PLEKHG3: variants seen among roughly 807,000 people sequenced by gnomAD.
PLEKHG3 encodes pleckstrin homology domain-containing family G member 3.
In PLEKHG3, 62 loss-of-function variants were observed where a neutral mutation model predicts 94.9. The ratio of observed to expected loss-of-function variants is 0.65; its 90% CI spans 0.53 to 0.81. The LOEUF is 0.81. PLEKHG3 is among the 30% of genes least tolerant of loss of function. PLEKHG3 has a pLI of 0.00. For synonymous variants in PLEKHG3, 614 were observed against 654.0 expected (o/e 0.94, Z 0.93); for missense variants, 1,461 against 1,619.3 (o/e 0.90, Z 1.68).
rs1322265082 is a variant in PLEKHG3 at position 64,725,315 on chromosome 14, C to T, written c.-39-2278C>T. Among the ~76,000 whole-genome samples, 1 of 151,620 alleles carries T rather than the reference C, an allele frequency of 6.6e-6. No individual in the cohort carries two copies. Among genetic ancestry groups the T allele is most frequent in the Non-Finnish European group, 1.5e-5 (1 of 67,912 alleles). On this transcript the variant is annotated intron_variant, in intron 1 of 16. Coordinates refer to ENST00000247226, the MANE Select transcript of PLEKHG3 (RefSeq NM_001308147.2). This position sits in a 1 kb window ranked among gnomAD's most constrained non-coding sequence, Gnocchi z 5.0. The stretch of plus-strand genomic sequence containing the variant: ...GCTTCCCCAGAGAAGCTGACTGACC[C>T]CAGATGTGATCTGGGAAAGGTCTTA...
intron 1 of PLEKHG3, among the ~76,000 whole-genome samples, chr14:64,724,453 G>A (rs1388826376): frequency 6.6e-6 from 1 of 152,088 alleles, no homozygotes; most frequent in Non-Finnish European, 1.5e-5. Flanking sequence ...GGCTTCTCTC[G>A]TCATCCAAGA....
At chr14:64,709,986 G>A (rs1026939221) in intron 1 of PLEKHG3, among the ~76,000 whole-genome samples, 6 of 152,148 alleles carry the variant, frequency 3.9e-5, no homozygotes, top group Admixed American at 6.5e-5. Context: ...AAGTTAACCT[G>A]TAGTCAGCTG....
chr14:64,735,813 C>T (rs1224493965), intron 12 of PLEKHG3, among the ~76,000 whole-genome samples: 2 of 152,164 alleles, frequency 1.3e-5, no homozygotes, highest in Admixed American at 1.3e-4. Context: ...CTGAGATGAG[C>T]TGACAAGTGT....
At position 64,715,993 on chromosome 14, in the gene PLEKHG3, A is replaced by G; in HGVS notation, c.-40+11289A>G. The G allele has an allele frequency of 2.2e-6, 1 of 455,446 alleles. No individual in the cohort carries two copies. Among genetic ancestry groups the G allele is most frequent in the South Asian group, 1.6e-5 (1 of 64,498 alleles). The allele number at this position is 455,446 out of a possible 1,614,324, so 28.2% of individuals were successfully genotyped here. A position where few individuals can be genotyped will look rare whatever the true frequency, so the allele number is the denominator to read the frequency against. ...TGGTGGCAGCTCGCTGCTCACCCCA[A>G]GCCTGTTAACTGCTAGGTTGCCGGT... On this transcript the variant is annotated intron_variant, in intron 1 of 16. Coordinates refer to ENST00000247226, the MANE Select transcript of PLEKHG3 (RefSeq NM_001308147.2). The surrounding 1 kb of genome is among the most constrained non-coding windows in gnomAD (Gnocchi z 4.4).
At chr14:64,737,877 G>A (rs1231875586) in intron 14 of PLEKHG3, 10 of 1,199,292 alleles carry the variant, frequency 8.3e-6, no homozygotes, top group East Asian at 5.8e-5. Flanking sequence ...AGGCAGTGCT[G>A]GAACCCTCCT....
intron 1 of PLEKHG3, among the ~76,000 whole-genome samples, chr14:64,724,767 T>A (rs909639699): frequency 1.3e-5 from 2 of 152,094 alleles, no homozygotes; most frequent in African/African-American, 4.8e-5. Flanking sequence ...CCCTGTCTGG[T>A]GTGTAGTCCA....
chr14:64,709,213 C>T (rs2081027314), intron 1 of PLEKHG3, among the ~76,000 whole-genome samples: 1 of 152,198 alleles, frequency 6.6e-6, no homozygotes, highest in African/African-American at 2.4e-5. Context: ...GAGTGATGGG[C>T]TTCAGCCGTG....
In PLEKHG3 at chr14:64,730,150, T is replaced by A; in HGVS notation, c.450-93T>A. On this transcript the variant is annotated intron_variant, in intron 3 of 16. Coordinates refer to ENST00000247226, the MANE Select transcript of PLEKHG3 (RefSeq NM_001308147.2). This position sits in a 1 kb window ranked among gnomAD's most constrained non-coding sequence, Gnocchi z 5.4. ...TCTTTAGCAAAGCAATAGGGCTGGC[T>A]GTCAGTCAGGGTTTGGGAGGTTGGG... The A allele has an allele frequency of 1.4e-6, 1 of 708,700 alleles. No individual in the cohort carries two copies. Among genetic ancestry groups the A allele is most frequent in the Non-Finnish European group, 2.5e-6 (1 of 403,476 alleles). 43.9% of individuals were successfully genotyped at this position (708,700 alleles called of 1,614,324 possible).
rs149209986 is a variant in PLEKHG3, at chr14:64,727,659, G to T, written c.28G>T (p.Asp10Tyr). Residue 10 changes from aspartate to tyrosine, a missense_variant, in exon 2 of 17, where the codon GAT (aspartate) becomes TAT (tyrosine). Physicochemically the swap from Asp to Tyr is radical, Grantham distance 160. This residue lies in a region of PLEKHG3 where 253 missense variants were observed against 297.8 expected (regional missense o/e 0.85). Coordinates refer to ENST00000247226, the MANE Select transcript of PLEKHG3 (RefSeq NM_001308147.2). This position sits in a 1 kb window ranked among gnomAD's most constrained non-coding sequence, Gnocchi z 6.0. ...GCCTGTGTCCACCTCCCTCCACCAGGATGGCAGCCAGGAGCGGCCGGTGAG... is the reference window on the plus strand; with the variant it reads ...GCCTGTGTCCACCTCCCTCCACCAGTATGGCAGCCAGGAGCGGCCGGTGAG... MPVSTSLHQ[D>Y]GSQERPVSLT... 44 of 1,612,380 alleles carry T rather than the reference G, an allele frequency of 2.7e-5. No individual in the cohort carries two copies. In the African/African-American group the frequency reaches 4.7e-4, roughly 17 times the overall value.
rs766778074 is a variant in PLEKHG3 at position 64,727,927 on chromosome 14, G to T, written c.296G>T (p.Arg99Leu). ...HKLSYLGRVV[R>L]EIVETERMYV... is the part of the protein sequence containing the mutation. ...CTCAGCTACCTGGGCCGAGTGGTGC[G>T]GGAGATCGTGGAGACAGAGCGCATG... is the stretch of plus-strand genomic sequence containing the variant. The change falls in exon 2 of 17, where the codon CGG becomes CTG. Residue 99 changes from arginine (R) to leucine (L), a missense_variant. Physicochemically the swap from Arg to Leu is moderately radical, Grantham distance 102. Around this residue, in one of 3 missense-constraint regions of PLEKHG3, gnomAD observed 253 missense variants for 297.8 expected, o/e 0.85. Coordinates refer to ENST00000247226, the MANE Select transcript of PLEKHG3 (RefSeq NM_001308147.2). This position sits in a 1 kb window ranked among gnomAD's most constrained non-coding sequence, Gnocchi z 6.0. 6.2e-7 allele frequency: 1 copy of T among 1,608,852 alleles called. No homozygotes were observed. The highest frequency in any genetic ancestry group is 1.7e-5 in the Admixed American group (1 of 59,884).
At chr14:64,740,650 A>G (rs1321805868) in intron 15 of PLEKHG3, among the ~76,000 whole-genome samples, 1 of 152,252 alleles carries the variant, frequency 6.6e-6, no homozygotes, top group African/African-American at 2.4e-5. Context: ...ACCATCAGCC[A>G]TGCTGGTTCC....
At position 64,725,149 on chromosome 14, in the gene PLEKHG3, C is replaced by T. The variant is rs564088355; in HGVS notation, c.-39-2444C>T. Among the ~76,000 whole-genome samples, 1 of 152,284 alleles carries T rather than the reference C, an allele frequency of 6.6e-6. No homozygotes were observed. Among genetic ancestry groups the T allele is most frequent in the Non-Finnish European group, 1.5e-5 (1 of 68,022 alleles). ...ACAGTGGGATCCCCAGAGAGGGACC[C>T]TCAAAAGGTCCCTTTTAGAGACAAA... On this transcript the variant is annotated intron_variant, in intron 1 of 16. Coordinates refer to ENST00000247226, the MANE Select transcript of PLEKHG3 (RefSeq NM_001308147.2). This position sits in a 1 kb window ranked among gnomAD's most constrained non-coding sequence, Gnocchi z 5.0.
chr14:64,734,878 G>A (rs1019081084), intron 12 of PLEKHG3, among the ~76,000 whole-genome samples: 3 of 151,844 alleles, frequency 2.0e-5, no homozygotes, highest in Admixed American at 2.0e-4. Context: ...GCGTCACCAC[G>A]CCCAGCTAGT....
intron 12 of PLEKHG3, among the ~76,000 whole-genome samples, chr14:64,734,624 T>G (rs1160729515): frequency 6.6e-6 from 1 of 152,268 alleles, no homozygotes; most frequent in Non-Finnish European, 1.5e-5. Flanking sequence ...GGCTGAGATT[T>G]TTAGCCTGTA....
In PLEKHG3 at chr14:64,716,511, ACACACACAC is replaced by A. The variant is rs1379008253; in HGVS notation, c.-39-11081_-39-11073del. Among the ~76,000 whole-genome samples, 8 of 132,124 alleles carry A rather than the reference ACACACACAC, an allele frequency of 6.1e-5. No individual in the cohort carries two copies. In the East Asian group the frequency reaches 6.4e-4, roughly 11 times the overall value. The allele number at this position is 132,124 out of a possible 152,430, so 86.7% of individuals were successfully genotyped here. A position where few individuals can be genotyped will look rare whatever the true frequency, so the allele number is the denominator to read the frequency against. On this transcript the variant is annotated intron_variant, in intron 1 of 16. Transcript: ENST00000247226. The surrounding 1 kb of genome is among the most constrained non-coding windows in gnomAD (Gnocchi z 5.0). ...ACACACACACAACACACACACACAC[ACACACACAC>A]ACACACACACACACACACACACACA...
Position 64,749,419 on chromosome 14 carries a change from T to C in PLEKHG3, c.*5716T>C, listed in dbSNP as rs761026876. 2 of 1,606,448 alleles carry C rather than the reference T, an allele frequency of 1.2e-6. No individual in the cohort carries two copies. The highest frequency in any genetic ancestry group is 1.7e-5 in the Admixed American group (1 of 59,960). On this transcript the variant is annotated 3_prime_UTR_variant, in exon 17 of 17. Transcript: ENST00000247226. The surrounding 1 kb of genome is among the most constrained non-coding windows in gnomAD (Gnocchi z 4.7). ...AGGCTCTGCGCCTTGACGCGGATGC[T>C]CTGGGACTCGTTGATGGCGGTGCTC...
rs1566706952 is a variant in PLEKHG3, at chr14:64,731,717, T to C, written c.1036T>C (p.Ser346Pro). Residue 346 changes from serine to proline, a missense_variant, in exon 9 of 17, where the codon TCC (serine) becomes CCC (proline). Coordinates refer to ENST00000247226, the MANE Select transcript of PLEKHG3 (RefSeq NM_001308147.2). The surrounding 1 kb of genome is among the most constrained non-coding windows in gnomAD (Gnocchi z 6.1). The stretch of plus-strand genomic sequence containing the variant: ...TGTCCTTTCCCTCTGCCCCTAGTGC[T>C]CCTCCCTGATGCTGATCGAAAGCAC... The part of the protein sequence containing the change: ...HFVYKGNIPC[S>P]SLMLIESTRD... The C allele has an allele frequency of 1.9e-6, 3 of 1,611,742 alleles. No individual in the cohort carries two copies. Among genetic ancestry groups the C allele is most frequent in the Non-Finnish European group, 2.5e-6 (3 of 1,177,916 alleles).
intron 1 of PLEKHG3, among the ~76,000 whole-genome samples, chr14:64,724,340 G>A (rs139106553): frequency 1.3e-5 from 2 of 152,242 alleles, no homozygotes; most frequent in Non-Finnish European, 2.9e-5. Context: ...TGCCTCATTT[G>A]TTCTTCAGCC....
At chr14:64,719,540 A>T (rs539892916) in intron 1 of PLEKHG3, among the ~76,000 whole-genome samples, 1 of 151,934 alleles carries the variant, frequency 6.6e-6, no homozygotes, top group Non-Finnish European at 1.5e-5. Flanking sequence ...GAGGGCCTGG[A>T]AGTCAAATGG....
Sources: allele counts gnomAD v4.1 joint callset (sites outside exome capture counted in the v4.1 genomes callset), GRCh38; gene constraint gnomAD v4.1.1; regional missense constraint gnomAD v4.1.1; non-coding constraint Gnocchi (gnomAD v3.1); transcripts MANE v1.5; gene names NCBI Gene and HGNC (gene_info 2026-07-23, HGNC 2026-07-21).